TNFRSF13B: variants seen among roughly 807,000 people sequenced by gnomAD.
TNFRSF13B encodes TNF receptor superfamily member 13B, also known as tumor necrosis factor receptor superfamily member 13B.
In TNFRSF13B, 34 loss-of-function variants were observed where a neutral mutation model predicts 24.0. The observed-to-expected ratio is 1.41, with a 90% CI of 1.08 to 1.88. The LOEUF (loss-of-function observed/expected upper bound fraction) is 1.88. Among genes scored for constraint, TNFRSF13B ranks in the 40% most tolerant of loss-of-function variants. TNFRSF13B has a pLI of 0.00. For missense variants in TNFRSF13B, 415 were observed against 380.8 expected, an observed-to-expected ratio of 1.09 and a Z score of -0.75; for synonymous variants, 173 against 150.3, an observed-to-expected ratio of 1.15 and a Z score of -1.10.
intron 1 of TNFRSF13B, among the ~76,000 whole-genome samples, chr17:16,964,337 C>CTTTTT (rs71355533): frequency 7.5e-5 from 6 of 79,822 alleles, no homozygotes; most frequent in East Asian, 3.2e-4. Flanking sequence ...ATCTCCATGC[C>CTTTTT]TTTTTTTTTT....
chr17:16,956,692 T>C (rs138611565), intron 1 of TNFRSF13B, among the ~76,000 whole-genome samples: 2 of 152,294 alleles, frequency 1.3e-5, no homozygotes, highest in Non-Finnish European at 2.9e-5. Context: ...TACTGAAAAA[T>C]GAGCCATCAA....
intron 1 of TNFRSF13B, among the ~76,000 whole-genome samples, chr17:16,959,027 A>C (rs1181117299): frequency 2.0e-5 from 3 of 152,110 alleles, no homozygotes; most frequent in African/African-American, 7.2e-5. Context: ...TTTCAAGTGC[A>C]CATGGAACAT....
chr17:16,941,171 C>T (rs1467821938), intron 3 of TNFRSF13B: 7 of 957,808 alleles, frequency 7.3e-6, no homozygotes, highest in African/African-American at 3.5e-5. Context: ...ACAGATGCAA[C>T]TATCCCCTAT....
At position 16,972,080 on chromosome 17, in the gene TNFRSF13B, C is replaced by T; in HGVS notation, c.-5G>A. On this transcript the variant is annotated 5_prime_UTR_variant, in exon 1 of 5. Transcript: ENST00000261652. ...GCTCCGGCCCAGGCCACTCATTACT[C>T]AGGATGCTTATTACTAGTCTTAGAT... 1 of 1,613,894 alleles carries T rather than the reference C, an allele frequency of 6.2e-7. No homozygotes were observed. Among genetic ancestry groups the T allele is most frequent in the Non-Finnish European group, 8.5e-7 (1 of 1,180,024 alleles).
At chr17:16,962,899 GT>G (rs1266301732) in intron 1 of TNFRSF13B, among the ~76,000 whole-genome samples, 2 of 152,196 alleles carry the variant, frequency 1.3e-5, no homozygotes, top group Non-Finnish European at 2.9e-5. Context: ...TGACGTCCAA[GT>G]TAAGTTCTCA....
At chr17:16,961,846 G>A (rs1448375961) in intron 1 of TNFRSF13B, among the ~76,000 whole-genome samples, 9 of 152,218 alleles carry the variant, frequency 5.9e-5, no homozygotes, top group Non-Finnish European at 1.2e-4. Context: ...TATCAAGTGC[G>A]AGGTAGAATA....
chr17:16,963,749 A>G (rs1009872629), intron 1 of TNFRSF13B, among the ~76,000 whole-genome samples: 6 of 152,020 alleles, frequency 3.9e-5, no homozygotes, highest in African/African-American at 1.4e-4. Context: ...ACAGGGTTTC[A>G]CCGTGTTAGC....
intron 3 of TNFRSF13B, among the ~76,000 whole-genome samples, chr17:16,947,888 A>G (rs186155845): frequency 6.6e-6 from 1 of 152,390 alleles, no homozygotes; most frequent in East Asian, 1.9e-4. Context: ...CCAAAAAGAT[A>G]CATACACACG....
At chr17:16,966,266 A>C (rs59250286) in intron 1 of TNFRSF13B, among the ~76,000 whole-genome samples, 12,206 of 151,068 alleles carry the variant, frequency 0.081, 1,626 homozygotes, top group African/African-American at 0.28. Flanking sequence ...AAAAAAAAAC[A>C]CCAAAAAAAC....
chr17:16,945,732 C>G (rs2087543108), intron 3 of TNFRSF13B, among the ~76,000 whole-genome samples: 1 of 152,212 alleles, frequency 6.6e-6, no homozygotes, highest in Non-Finnish European at 1.5e-5. Context: ...TGAATCTGCA[C>G]TTCTTCCCCT....
At chr17:16,950,574 G>A (rs1021960426) in intron 2 of TNFRSF13B, among the ~76,000 whole-genome samples, 6 of 152,142 alleles carry the variant, frequency 3.9e-5, no homozygotes, top group African/African-American at 9.7e-5. Flanking sequence ...TCCCCAGGGC[G>A]CCCCTGAACC....
intron 3 of TNFRSF13B, among the ~76,000 whole-genome samples, chr17:16,944,557 T>G (rs955080693): frequency 6.6e-6 from 1 of 152,092 alleles, no homozygotes; most frequent in Non-Finnish European, 1.5e-5. Flanking sequence ...GGGGAAGCCT[T>G]CCTTGTCCCC....
Position 16,939,503 on chromosome 17 carries a change from C to A in TNFRSF13B, c.*44G>T. On this transcript the variant is annotated 3_prime_UTR_variant, in exon 5 of 5. Transcript: ENST00000261652. ...CCCCACCTCTCTTTCTCTCTCCCCT[C>A]CTCTCCATCTCTCTCCCTCCTCCTT... 6.3e-7 allele frequency: 1 copy of A among 1,590,566 alleles called. No homozygotes were observed. Among genetic ancestry groups the A allele is most frequent in the East Asian group, 2.3e-5 (1 of 44,292 alleles).
intron 3 of TNFRSF13B, among the ~76,000 whole-genome samples, chr17:16,945,968 T>A (rs995877335): frequency 6.6e-6 from 1 of 152,176 alleles, no homozygotes; most frequent in African/African-American, 2.4e-5. Flanking sequence ...TCCTGTATCG[T>A]CATGAGATGG....
intron 3 of TNFRSF13B, among the ~76,000 whole-genome samples, chr17:16,943,922 C>T (rs1567650777): frequency 1.3e-5 from 2 of 152,222 alleles, no homozygotes; most frequent in Non-Finnish European, 2.9e-5. Context: ...AAGCTCCTCG[C>T]GTCGGCCTGG....
intron 1 of TNFRSF13B, among the ~76,000 whole-genome samples, chr17:16,969,399 C>G (rs960966059): frequency 2.0e-5 from 3 of 152,180 alleles, no homozygotes; most frequent in Admixed American, 6.5e-5. Flanking sequence ...CTGATACCTG[C>G]TACAACATGG....
chr17:16,941,093 A>T (rs1011508150), intron 3 of TNFRSF13B: 12 of 588,948 alleles, frequency 2.0e-5, no homozygotes, highest in Non-Finnish European at 2.6e-5. Context: ...TATAGATGCC[A>T]TGTAGAAGGG....
At chr17:16,959,716 T>C (rs1367553711) in intron 1 of TNFRSF13B, among the ~76,000 whole-genome samples, 1 of 152,018 alleles carries the variant, frequency 6.6e-6, no homozygotes, top group Non-Finnish European at 1.5e-5. Flanking sequence ...CACCAACAAA[T>C]TGGATAACCT....
intron 3 of TNFRSF13B, chr17:16,941,145 G>T: frequency 1.2e-6 from 1 of 848,800 alleles, no homozygotes; most frequent in Non-Finnish European, 1.4e-6. Flanking sequence ...AGAAAAAATG[G>T]CTGCAGAGGT....
Sources: allele counts gnomAD v4.1 joint callset (sites outside exome capture counted in the v4.1 genomes callset), GRCh38; gene constraint gnomAD v4.1.1; transcripts MANE v1.5; gene names NCBI Gene and HGNC (gene_info 2026-07-23, HGNC 2026-07-21).